Variants in PPP1R13B observed in about 807,000 individuals in gnomAD.
The protein encoded by PPP1R13B is protein phosphatase 1 regulatory subunit 13B.
A neutral mutation model predicts 119.8 loss-of-function variants in PPP1R13B; 44 were observed. The observed-to-expected ratio is 0.37, with a 90% confidence interval of 0.29 to 0.47. PPP1R13B has a LOEUF of 0.47. Ranked by LOEUF, PPP1R13B falls within the 20% of genes least tolerant of loss-of-function variation. The pLI, the probability that PPP1R13B is intolerant of heterozygous loss-of-function variation, is 0.99. For synonymous variants in PPP1R13B, 542 were observed against 561.5 expected, an observed-to-expected ratio of 0.97 and a Z score of 0.49; for missense variants, 1,227 against 1,413.5, an observed-to-expected ratio of 0.87 and a Z score of 2.12.
rs1229928509 is a variant in PPP1R13B at position 103,757,563 on chromosome 14, C to T, written c.456+87G>A. On this transcript the variant is annotated intron_variant, in intron 5 of 16. Transcript: ENST00000202556. ...GCATGGTCCTATTTTATAAGCGTTA[C>T]CCAAGAATATATTAACCCCAGTCTA... The T allele has an allele frequency of 3.2e-6, 4 of 1,240,452 alleles. No individual in the cohort carries two copies. In the African/African-American group the frequency reaches 4.5e-5, roughly 14 times the overall value. The allele number at this position is 1,240,452 out of a possible 1,614,324, so 76.8% of individuals were successfully genotyped here. A position where few individuals can be genotyped will look rare whatever the true frequency, so the allele number is the denominator to read the frequency against.
chr14:103,823,643 A>G (rs781747153), intron 1 of PPP1R13B, among the ~76,000 whole-genome samples: 1 of 152,170 alleles, frequency 6.6e-6, no homozygotes, highest in Non-Finnish European at 1.5e-5. Context: ...AAAATTATTC[A>G]GTCTAGCAGT....
intron 1 of PPP1R13B, among the ~76,000 whole-genome samples, chr14:103,827,259 C>T (rs754322740): frequency 4.3e-4 from 65 of 152,020 alleles, no homozygotes; most frequent in Non-Finnish European, 8.2e-4. Flanking sequence ...TGGTGTGAAC[C>T]CGGCAGGTGG....
In PPP1R13B at chr14:103,739,805, G is replaced by C; in HGVS notation, c.2592+19C>G. On this transcript the variant is annotated intron_variant, in intron 12 of 16. Transcript: ENST00000202556. ...GAATGACCAGGAAGGCCAGGCTTTG[G>C]TCTAGCAATGACACCCACCGTGGAG... The C allele has an allele frequency of 1.3e-6, 2 of 1,583,316 alleles. No homozygotes were observed. The highest frequency in any genetic ancestry group is 1.7e-4 in the Middle Eastern group (1 of 5,888).
rs766683182 is a variant in PPP1R13B, at chr14:103,742,005, G to A, written c.1607C>T (p.Pro536Leu). The change falls in exon 11 of 17, where the codon CCT becomes CTT. Residue 536 changes from proline to leucine, a missense_variant. Coordinates refer to ENST00000202556, the MANE Select transcript of PPP1R13B (RefSeq NM_015316.3). This position sits in a 1 kb window ranked among gnomAD's most constrained non-coding sequence, Gnocchi z 4.9. ...CTTGCTGTCCCCAGCTGGAAATGCA[G>A]GTGGTCCCGCTGGCGGGTACGTGGG... ...PSPTYPPAGPPAFPAGDSKPE... is the reference protein window; with the variant it reads ...PSPTYPPAGPLAFPAGDSKPE... 3.7e-6 allele frequency: 6 copies of A among 1,614,286 alleles called. No homozygotes were observed. Among genetic ancestry groups the A allele is most frequent in the Non-Finnish European group, 5.1e-6 (6 of 1,180,056 alleles).
intron 2 of PPP1R13B, among the ~76,000 whole-genome samples, chr14:103,794,966 G>C (rs1423960069): frequency 6.6e-6 from 1 of 151,806 alleles, no homozygotes; most frequent in Non-Finnish European, 1.5e-5. Flanking sequence ...TTTTTTTTGA[G>C]ACAGTCTCGC....
intron 5 of PPP1R13B, among the ~76,000 whole-genome samples, chr14:103,755,643 A>G (rs2084659852): frequency 6.6e-6 from 1 of 152,194 alleles, no homozygotes; most frequent in Non-Finnish European, 1.5e-5. Flanking sequence ...GTAAAACAAT[A>G]TGTGCTTAAA....
intron 5 of PPP1R13B, among the ~76,000 whole-genome samples, chr14:103,756,532 TATA>T (rs2084681740): frequency 6.6e-6 from 1 of 151,458 alleles, no homozygotes; most frequent in African/African-American, 2.4e-5. Context: ...ACTCAGTATA[TATA>T]ATAAGCATTA....
intron 9 of PPP1R13B, among the ~76,000 whole-genome samples, chr14:103,745,661 AG>A (rs910060065): frequency 2.0e-5 from 3 of 152,244 alleles, no homozygotes; most frequent in Non-Finnish European, 2.9e-5. Context: ...TTGATCAATG[AG>A]GACAGAGCGC....
chr14:103,819,504 A>C (rs182169405), intron 1 of PPP1R13B, among the ~76,000 whole-genome samples: 2,227 of 149,420 alleles, frequency 0.015, 58 homozygotes, highest in Middle Eastern at 0.024. Flanking sequence ...TCTATTAAAA[A>C]AAACAAACAA....
rs200104091 is a variant in PPP1R13B at position 103,740,444 on chromosome 14, C to T, written c.1972G>A (p.Ala658Thr). 1,848 of 1,605,538 alleles carry T rather than the reference C, an allele frequency of 1.2e-3. 2 individuals carry two copies. The highest frequency in any genetic ancestry group is 1.4e-3 in the Non-Finnish European group (1,610 of 1,174,938). Residue 658 changes from alanine (A) to threonine (T), a missense_variant, in exon 12 of 17, where the codon GCA (alanine) becomes ACA (threonine). Ala to Thr is a moderately conservative substitution (Grantham distance 58). Transcript: ENST00000202556. This position sits in a 1 kb window ranked among gnomAD's most constrained non-coding sequence, Gnocchi z 4.6. ...EPEQDGPAAP[A>T]DGSTVESLPR... The stretch of plus-strand genomic sequence containing the variant: ...AGGCTCTCCACGGTGCTGCCATCTG[C>T]GGGGGCGGCGGGGCCATCCTGCTCA...
At chr14:103,818,907 T>A (rs1170568302) in intron 1 of PPP1R13B, among the ~76,000 whole-genome samples, 1 of 152,152 alleles carries the variant, frequency 6.6e-6, no homozygotes, top group East Asian at 1.9e-4. Context: ...GGAAAAAAAT[T>A]AAGCAGACAA....
intron 9 of PPP1R13B, among the ~76,000 whole-genome samples, chr14:103,745,218 G>A (rs545560767): frequency 6.6e-6 from 1 of 152,314 alleles, no homozygotes; most frequent in Non-Finnish European, 1.5e-5. Context: ...CTCTTTCGGA[G>A]TTCATAACAA....
Position 103,736,111 on chromosome 14 carries a change from G to A in PPP1R13B, c.3123C>T (p.His1041=), listed in dbSNP as rs200754439. The part of the protein sequence containing the change: ...EAQNSDELSF[H]EGDALTILRR... ...TCAGGATGGTGAGGGCGTCCCCTTC[G>A]TGGAAGGACAGCTCGTCACTGTTCT... The change falls in exon 16 of 17, where the codon CAC becomes CAT. Residue 1041 remains histidine (H), a synonymous_variant. Transcript: ENST00000202556. 1.3e-4 allele frequency: 213 copies of A among 1,614,104 alleles called. No homozygotes were observed. Among genetic ancestry groups the A allele is most frequent in the Non-Finnish European group, 1.6e-4 (191 of 1,180,042 alleles).
upstream of PPP1R13B, chr14:103,848,528 T>A: frequency 1.0e-6 from 1 of 978,550 alleles, no homozygotes; most frequent in African/African-American, 1.7e-5. Flanking sequence ...ACAGGGGGAC[T>A]GAGGTGCTCC....
chr14:103,735,307 CTT>C, intron 16 of PPP1R13B, 112 bp from the exon 17 acceptor site: 1 of 1,007,614 alleles, frequency 9.9e-7, no homozygotes, highest in Non-Finnish European at 1.6e-6. Context: ...GTGCAGCACC[CTT>C]GTCCCTCAGG....
intron 5 of PPP1R13B, among the ~76,000 whole-genome samples, chr14:103,757,104 C>T (rs1303056946): frequency 1.3e-5 from 2 of 150,930 alleles, no homozygotes; most frequent in African/African-American, 4.9e-5. Flanking sequence ...ACTCTGTCAC[C>T]CAGGCTGGAA....
chr14:103,813,825 A>G (rs1035023802), intron 1 of PPP1R13B, among the ~76,000 whole-genome samples: 2 of 152,184 alleles, frequency 1.3e-5, no homozygotes, highest in South Asian at 4.1e-4. Flanking sequence ...CATGGTCAGA[A>G]AAGTTTGAAA....
intron 8 of PPP1R13B, 59 bp from the exon 9 acceptor site, chr14:103,746,612 T>G (rs2295141): frequency 6.2e-5 from 87 of 1,405,798 alleles, no homozygotes; most frequent in Non-Finnish European, 7.7e-5. Flanking sequence ...AGTCCTAAGC[T>G]TAGTGCAAGA....
chr14:103,746,701 G>T, intron 8 of PPP1R13B, 148 bp from the exon 9 acceptor site: 1 of 625,602 alleles, frequency 1.6e-6, no homozygotes, highest in Non-Finnish European at 2.6e-6. Flanking sequence ...TCAGCATCTA[G>T]AAGGGGAGAC....
Sources: gnomAD v4.1 joint callset for allele counts (sites outside exome capture counted in the v4.1 genomes callset) on GRCh38, gnomAD v4.1.1 for gene constraint, Gnocchi (gnomAD v3.1) non-coding constraint, MANE v1.5 for transcripts, NCBI Gene and HGNC (gene_info 2026-07-23, HGNC 2026-07-21) for gene names.